Variants in WDTC1 observed in about 807,000 individuals in gnomAD.
WDTC1 encodes WD and tetratricopeptide repeats protein 1.
In WDTC1, 12 loss-of-function variants were observed where a neutral mutation model predicts 76.0. The ratio of observed to expected loss-of-function variants is 0.16; its 90% CI spans 0.10 to 0.26. WDTC1 has a LOEUF of 0.26. Among genes scored for constraint, WDTC1 ranks in the 10% least tolerant of loss-of-function variants. The pLI is 1.00. For missense variants in WDTC1, 511 were observed against 908.8 expected (o/e 0.56, Z 5.63); for synonymous variants, 326 against 350.8 (o/e 0.93, Z 0.79).
chr1:27,297,880 C>A, intron 11 of WDTC1, 58 bp from the exon 12 acceptor site: 1 of 1,521,008 alleles, frequency 6.6e-7, no homozygotes, highest in Non-Finnish European at 8.9e-7. Flanking sequence ...TACAGACTCC[C>A]TGAGGGGCTG....
chr1:27,263,922 GCA>G (rs761289347), intron 3 of WDTC1, among the ~76,000 whole-genome samples: 49 of 151,300 alleles, frequency 3.2e-4, no homozygotes, highest in Non-Finnish European at 4.4e-4. Context: ...ATGTATACGT[GCA>G]CACACACACA....
intron 3 of WDTC1, among the ~76,000 whole-genome samples, chr1:27,263,865 ATATACATATACATATACG>A (rs1213570629): frequency 1.3e-5 from 2 of 152,080 alleles, no homozygotes; most frequent in Admixed American, 6.6e-5. Flanking sequence ...TAGTGTTTTC[ATATACATATACATATACG>A]TATACATATA....
chr1:27,297,700 CCTT>C (rs1388129915), intron 11 of WDTC1, among the ~76,000 whole-genome samples: 2 of 152,128 alleles, frequency 1.3e-5, no homozygotes, highest in Non-Finnish European at 2.9e-5. Context: ...TCATTTCTGC[CCTT>C]CTTTTCACTG....
At chr1:27,270,753 AAAAC>A (rs1053242623) in intron 3 of WDTC1, among the ~76,000 whole-genome samples, 35 of 152,312 alleles carry the variant, frequency 2.3e-4, no homozygotes, top group African/African-American at 4.1e-4. Context: ...TCCTATCTCA[AAAAC>A]AAACAAACAA....
At chr1:27,239,983 G>T (rs1371917547) in intron 1 of WDTC1, among the ~76,000 whole-genome samples, 2 of 151,802 alleles carry the variant, frequency 1.3e-5, no homozygotes, top group African/African-American at 4.8e-5. Context: ...CCGCCTCCTA[G>T]GTTCAAGCAA....
intron 3 of WDTC1, among the ~76,000 whole-genome samples, chr1:27,267,354 T>C (rs1226306134): frequency 6.6e-6 from 1 of 152,058 alleles, no homozygotes; most frequent in Non-Finnish European, 1.5e-5. Flanking sequence ...GAAGCAGTTC[T>C]TGTGCCTCAG....
intron 1 of WDTC1, among the ~76,000 whole-genome samples, chr1:27,239,238 C>G (rs1209477215): frequency 1.3e-5 from 2 of 148,968 alleles, no homozygotes; most frequent in African/African-American, 4.9e-5. Context: ...CCTAACATGG[C>G]TTGGCACGGT....
chr1:27,243,669 G>A (rs1189614570), intron 1 of WDTC1, among the ~76,000 whole-genome samples: 7 of 152,130 alleles, frequency 4.6e-5, no homozygotes, highest in African/African-American at 1.2e-4. Context: ...CTGTCTCATA[G>A]GATTATTATG....
At chr1:27,235,394 CTGTGTGTGTGTGTGTGTGTGTGTGTG>C (rs139665541) in intron 1 of WDTC1, among the ~76,000 whole-genome samples, 1 of 141,116 alleles carries the variant, frequency 7.1e-6, no homozygotes, top group Non-Finnish European at 1.5e-5. Context: ...CTCTCTCTTT[CTGTGTGTGTGTGTGTGTGTGTGTGTG>C]TGTGTGTGTG....
At position 27,303,001 on chromosome 1, in the gene WDTC1, G is replaced by A. The variant is rs963642416; in HGVS notation, c.1469-620G>A. On this transcript the variant is annotated intron_variant, in intron 13 of 15. Coordinates refer to ENST00000319394, the MANE Select transcript of WDTC1 (RefSeq NM_001276252.2). The surrounding 1 kb of genome is among the most constrained non-coding windows in gnomAD (Gnocchi z 4.8). ...TATAAAAGTCACCCAGGCTGGGCTC[G>A]GTGGCTCATGCCTGTAATCCCAGCA... Among the ~76,000 whole-genome samples the A allele has an allele frequency of 1.3e-5, 2 of 152,146 alleles. No homozygotes were observed. Among genetic ancestry groups the A allele is most frequent in the African/African-American group, 2.4e-5 (1 of 41,440 alleles).
chr1:27,282,844 G>A (rs12753575), intron 4 of WDTC1, among the ~76,000 whole-genome samples: 148,546 of 151,714 alleles, frequency 0.98, 72,814 homozygotes, highest in Middle Eastern at 1. Context: ...GTTTAAGAAT[G>A]ATAGAAATTT....
rs1221191476 is a variant in WDTC1 at position 27,306,347 on chromosome 1, C to T, written c.1998C>T (p.Asp666=). Residue 666 remains aspartate (D), a synonymous_variant, in exon 16 of 16, where the codon GAC becomes GAT. Transcript: ENST00000319394. The surrounding 1 kb of genome is among the most constrained non-coding windows in gnomAD (Gnocchi z 5.0). ...SGGAGASDDE[D]SSEGQVQCRP... ...GTGCCGGGGCCTCTGATGATGAGGA[C>T]AGCTCTGAGGGCCAGGTGCAGTGCC... The T allele has an allele frequency of 1.2e-6, 2 of 1,613,524 alleles. No individual in the cohort carries two copies. The highest frequency in any genetic ancestry group is 2.7e-5 in the African/African-American group (2 of 74,904).
At chr1:27,296,765 CAGCCCT>C (rs1414173778) in intron 10 of WDTC1, among the ~76,000 whole-genome samples, 4 of 150,278 alleles carry the variant, frequency 2.7e-5, no homozygotes, top group Non-Finnish European at 4.5e-5. Flanking sequence ...CCCCCAGCCC[CAGCCCT>C]AGCCCCAGCC....
rs201301240 is a variant in WDTC1, at chr1:27,308,434, T to C, written c.*2051T>C. The C allele has an allele frequency of 2.6e-5, 4 of 152,236 alleles. No individual in the cohort carries two copies. The East Asian group carries it at 7.7e-4, about 29-fold the overall frequency. The allele number at this position is 152,236 out of a possible 1,614,324, so 9.4% of individuals were successfully genotyped here. A position where few individuals can be genotyped will look rare whatever the true frequency, so the allele number is the denominator to read the frequency against. On this transcript the variant is annotated 3_prime_UTR_variant, in exon 16 of 16. Coordinates refer to ENST00000319394, the MANE Select transcript of WDTC1 (RefSeq NM_001276252.2). ...GGCTGAGTGCAGAGCCCAGCTCTCA[T>C]GGCTGTGATTTGTAATCATCAGCTT...
chr1:27,301,080 CA>C lies in WDTC1; in HGVS notation c.1233-145del. 1 of 699,586 alleles carries C rather than the reference CA, an allele frequency of 1.4e-6. No homozygotes were observed. The highest frequency in any genetic ancestry group is 2.4e-5 in the Admixed American group (1 of 42,268). 43.3% of individuals were successfully genotyped at this position (699,586 alleles called of 1,614,324 possible). On this transcript the variant is annotated intron_variant, in intron 12 of 15. Coordinates refer to ENST00000319394, the MANE Select transcript of WDTC1 (RefSeq NM_001276252.2). The surrounding 1 kb of genome is among the most constrained non-coding windows in gnomAD (Gnocchi z 5.8). ...CTGATGGGGGAGGCCTGGGCTGAGC[CA>C]GGATTCTCTTCGTCCTCAAGTCCCC...
intron 9 of WDTC1, 61 bp from the exon 10 acceptor site, chr1:27,296,265 T>G: frequency 6.3e-7 from 1 of 1,598,294 alleles, no homozygotes; most frequent in Middle Eastern, 1.7e-4. Context: ...ACCTGCTTAC[T>G]GGTTCAACCA....
chr1:27,238,742 T>C (rs1320253372), intron 1 of WDTC1, among the ~76,000 whole-genome samples: 2 of 151,184 alleles, frequency 1.3e-5, no homozygotes, highest in Admixed American at 6.6e-5. Context: ...ATTTTTGTAT[T>C]TTTGTAGAGA....
intron 6 of WDTC1, among the ~76,000 whole-genome samples, 186 bp downstream of exon 6, chr1:27,288,047 C>T (rs1333787449): frequency 2.0e-5 from 3 of 152,214 alleles, no homozygotes; most frequent in Non-Finnish European, 4.4e-5. Context: ...CTTCCTCCCT[C>T]TTTGCCCTCC....
At chr1:27,297,202 A>G (rs890749033) in intron 11 of WDTC1, 46 bp downstream of exon 11, 2 of 1,501,240 alleles carry the variant, frequency 1.3e-6, no homozygotes, top group South Asian at 1.2e-5. Flanking sequence ...CAGTTACACT[A>G]TATGGACTGG....
Sources: allele counts gnomAD v4.1 joint callset (sites outside exome capture counted in the v4.1 genomes callset), GRCh38; gene constraint gnomAD v4.1.1; non-coding constraint Gnocchi (gnomAD v3.1); transcripts MANE v1.5; gene names NCBI Gene and HGNC (gene_info 2026-07-23, HGNC 2026-07-21).